Variants in TMEM150C observed in about 807,000 individuals in gnomAD.
TMEM150C encodes transmembrane protein 150C, also known as tentonin 3.
In TMEM150C, 10 loss-of-function variants were observed where a neutral mutation model predicts 29.9. The observed-to-expected ratio is 0.33, with a 90% confidence interval of 0.21 to 0.57. The LOEUF is 0.57. Ranked by LOEUF, TMEM150C falls within the 20% of genes least tolerant of loss-of-function variation. The pLI, the probability that TMEM150C is intolerant of heterozygous loss-of-function variation, is 0.88. For synonymous variants in TMEM150C, 101 were observed against 112.5 expected (o/e 0.90, Z 0.64); for missense variants, 251 against 303.6 (o/e 0.83, Z 1.29).
At chr4:82,504,724 C>T in intron 1 of TMEM150C, 57 bp from the exon 2 acceptor site, 1 of 1,451,862 alleles carries the variant, frequency 6.9e-7, no homozygotes, top group Non-Finnish European at 9.5e-7. Context: ...TTCACTCTTT[C>T]AAGATAGAAA....
chr4:82,505,993 T>C (rs1723907195), intron 1 of TMEM150C, among the ~76,000 whole-genome samples: 1 of 152,180 alleles, frequency 6.6e-6, no homozygotes, highest in African/African-American at 2.4e-5. Context: ...ACTGGGGACC[T>C]GACAATCAGA....
chr4:82,534,798 C>T (rs1053159692), intron 1 of TMEM150C, among the ~76,000 whole-genome samples: 1 of 152,114 alleles, frequency 6.6e-6, no homozygotes, highest in Non-Finnish European at 1.5e-5. Flanking sequence ...CATAAAATTC[C>T]ATGAACATCC....
At chr4:82,559,567 A>T (rs1725851637) in intron 1 of TMEM150C, among the ~76,000 whole-genome samples, 1 of 152,058 alleles carries the variant, frequency 6.6e-6, no homozygotes, top group Admixed American at 6.5e-5. Context: ...AAACAAACAA[A>T]CAAAAAAAGT....
At position 82,512,982 on chromosome 4, in the gene TMEM150C, A is replaced by C. The variant is rs577831137; in HGVS notation, c.-10-8315T>G. Among the ~76,000 whole-genome samples the C allele has an allele frequency of 2.6e-5, 4 of 152,306 alleles. No individual in the cohort carries two copies. The South Asian group carries it at 8.3e-4, about 32-fold the overall frequency. ...AACTTCCATCTCCCTGGGAAGGGCA[A>C]CTTGGGGAAGGGGCAGCTGTGGGTG... On this transcript the variant is annotated intron_variant, in intron 1 of 7. Transcript: ENST00000449862.
At chr4:82,558,974 T>G (rs1725828723) in intron 1 of TMEM150C, among the ~76,000 whole-genome samples, 1 of 152,104 alleles carries the variant, frequency 6.6e-6, no homozygotes, top group Admixed American at 6.5e-5. Flanking sequence ...CTTTGTAATC[T>G]CCCCCACCCT....
intron 6 of TMEM150C, among the ~76,000 whole-genome samples, chr4:82,490,443 C>G (rs995556410): frequency 1.3e-5 from 2 of 152,114 alleles, no homozygotes; most frequent in Admixed American, 6.5e-5. Flanking sequence ...TACCCCCAAC[C>G]CTTAAAAACA....
At chr4:82,556,669 GAGAAA>G (rs1345470980) in intron 1 of TMEM150C, among the ~76,000 whole-genome samples, 2 of 151,932 alleles carry the variant, frequency 1.3e-5, no homozygotes, top group East Asian at 3.9e-4. Flanking sequence ...TCTATTAAAA[GAGAAA>G]AGAAAAGAAC....
At chr4:82,486,950 C>T (rs999681513) in intron 7 of TMEM150C, among the ~76,000 whole-genome samples, 2 of 152,122 alleles carry the variant, frequency 1.3e-5, no homozygotes, top group African/African-American at 2.4e-5. Flanking sequence ...TTAGAAAGAT[C>T]AGAAATGTCT....
At chr4:82,516,961 A>G (rs967020378) in intron 1 of TMEM150C, among the ~76,000 whole-genome samples, 1 of 152,170 alleles carries the variant, frequency 6.6e-6, no homozygotes, top group Non-Finnish European at 1.5e-5. Context: ...CTAATCAACA[A>G]CTCAGAACCC....
rs577207367 is a variant in TMEM150C at position 82,496,038 on chromosome 4, G to A, written c.363+30C>T. On this transcript the variant is annotated intron_variant, in intron 6 of 7. Transcript: ENST00000449862. ...AGAAGTGAAGGTCTTACCAGTGTCAGAGGGAGGTGAAAAAGGCCAAATCAA... is the reference window on the plus strand; with the variant it reads ...AGAAGTGAAGGTCTTACCAGTGTCAAAGGGAGGTGAAAAAGGCCAAATCAA... 8 of 1,613,720 alleles carry A rather than the reference G, an allele frequency of 5.0e-6. No homozygotes were observed. The East Asian group carries it at 1.6e-4, about 31-fold the overall frequency.
rs1480186989 is a variant in TMEM150C, at chr4:82,485,131, T to A, written c.*380A>T. On this transcript the variant is annotated 3_prime_UTR_variant, in exon 8 of 8. Transcript: ENST00000449862. ...GAGCTGGTTCCAAGCCCTTTGGACCTGAAGGCAACGTCGGGAGTTGGCATT... is the reference window on the plus strand; with the variant it reads ...GAGCTGGTTCCAAGCCCTTTGGACCAGAAGGCAACGTCGGGAGTTGGCATT... The A allele has an allele frequency of 5.0e-6, 1 of 201,158 alleles. No homozygotes were observed. The highest frequency in any genetic ancestry group is 5.4e-5 in the Admixed American group (1 of 18,454). The allele number at this position is 201,158 out of a possible 1,614,324, so 12.5% of individuals were successfully genotyped here.
intron 1 of TMEM150C, among the ~76,000 whole-genome samples, chr4:82,552,669 C>T (rs1246834200): frequency 1.3e-5 from 2 of 152,274 alleles, no homozygotes; most frequent in Middle Eastern, 3.4e-3. Flanking sequence ...CTGAGCTCCC[C>T]GACCCACCCA....
At chr4:82,551,112 G>T (rs1050842736) in intron 1 of TMEM150C, among the ~76,000 whole-genome samples, 1 of 152,170 alleles carries the variant, frequency 6.6e-6, no homozygotes, top group Non-Finnish European at 1.5e-5. Context: ...CAGATTGTCA[G>T]TTCTTTAAGA....
intron 1 of TMEM150C, among the ~76,000 whole-genome samples, chr4:82,543,469 A>G (rs1725259057): frequency 6.6e-6 from 1 of 152,252 alleles, no homozygotes; most frequent in Non-Finnish European, 1.5e-5. Context: ...TTACATCTGC[A>G]AGTCTAATGC....
At chr4:82,509,145 C>T (rs1428319795) in intron 1 of TMEM150C, among the ~76,000 whole-genome samples, 1 of 152,214 alleles carries the variant, frequency 6.6e-6, no homozygotes, top group Non-Finnish European at 1.5e-5. Context: ...GTTATCTTCA[C>T]TTTCTTTTAC....
Position 82,504,672 on chromosome 4 carries a change from A to G in TMEM150C, c.-10-5T>C. 6.2e-7 allele frequency: 1 copy of G among 1,607,390 alleles called. No homozygotes were observed. Among genetic ancestry groups the G allele is most frequent in the Non-Finnish European group, 8.5e-7 (1 of 1,174,502 alleles). On this transcript the variant is annotated splice_region_variant and splice_polypyrimidine_tract_variant and intron_variant, in intron 1 of 7. Transcript: ENST00000449862. ...TTCCCATCCATGCCTGTACCACTGA[A>G]ATAAAATAAACACGTATTAATAATT...
intron 1 of TMEM150C, among the ~76,000 whole-genome samples, chr4:82,544,590 G>A (rs922082644): frequency 1.3e-5 from 2 of 152,068 alleles, no homozygotes; most frequent in South Asian, 2.1e-4. Flanking sequence ...ACCAGCCTGG[G>A]CAACATGGCA....
At chr4:82,492,851 C>T (rs1355749742) in intron 6 of TMEM150C, among the ~76,000 whole-genome samples, 6 of 72,162 alleles carry the variant, frequency 8.3e-5, no homozygotes, top group Admixed American at 2.8e-4. Flanking sequence ...TCAAACCTAG[C>T]GTATATGTTT....
intron 1 of TMEM150C, among the ~76,000 whole-genome samples, chr4:82,533,957 A>C (rs1158931165): frequency 6.6e-6 from 1 of 152,216 alleles, no homozygotes; most frequent in East Asian, 1.9e-4. Context: ...ACAGATCCAA[A>C]ACCAAAGTTG....
Sources: gnomAD v4.1 joint callset for allele counts (sites outside exome capture counted in the v4.1 genomes callset) on GRCh38, gnomAD v4.1.1 for gene constraint, MANE v1.5 for transcripts, NCBI Gene and HGNC (gene_info 2026-07-23, HGNC 2026-07-21) for gene names.